The following HADHB variants were observed in gnomAD, a reference collection of about 807,000 sequenced individuals.
HADHB encodes the protein trifunctional enzyme subunit beta, mitochondrial.
A neutral mutation model predicts 61.9 loss-of-function variants in HADHB; 50 were observed. That is an observed-to-expected ratio of 0.81 (90% CI 0.64 to 1.02). The LOEUF (loss-of-function observed/expected upper bound fraction) is 1.02. Ranked by LOEUF, HADHB falls within the 50% of genes least tolerant of loss-of-function variation. The pLI is 0.00. For missense variants in HADHB, 504 were observed against 586.5 expected (o/e 0.86, Z 1.45); for synonymous variants, 191 against 201.6 (o/e 0.95, Z 0.45).
intron 4 of HADHB, among the ~76,000 whole-genome samples, chr2:26,266,813 C>T (rs1208125306): frequency 7.8e-5 from 11 of 141,544 alleles, no homozygotes; most frequent in Admixed American, 3.8e-4. Flanking sequence ...CCAGGAAGCA[C>T]GTTGCACCAC....
chr2:26,262,459 T>C (rs1671904511), intron 3 of HADHB, among the ~76,000 whole-genome samples: 1 of 152,052 alleles, frequency 6.6e-6, no homozygotes, highest in Admixed American at 6.6e-5. Flanking sequence ...TAGAAGAAAA[T>C]AGTGTGGTAG....
chr2:26,290,034 T>C lies in HADHB; in HGVS notation c.*81T>C. On this transcript the variant is annotated 3_prime_UTR_variant, in exon 16 of 16. Coordinates refer to ENST00000317799, the MANE Select transcript of HADHB (RefSeq NM_000183.3). ...CATTTCAATGCATTACTAAATGACATTTGTAGTTCCTAGCTCCTCTTAGGA... is the reference window on the plus strand; with the variant it reads ...CATTTCAATGCATTACTAAATGACACTTGTAGTTCCTAGCTCCTCTTAGGA... 1 of 936,840 alleles carries C rather than the reference T, an allele frequency of 1.1e-6. No individual in the cohort carries two copies. The highest frequency in any genetic ancestry group is 1.8e-6 in the Non-Finnish European group (1 of 563,596). 58.0% of individuals were successfully genotyped at this position (936,840 alleles called of 1,614,324 possible). A position where few individuals can be genotyped will look rare whatever the true frequency, so the allele number is the denominator to read the frequency against.
chr2:26,260,995 C>T (rs1447626987), intron 3 of HADHB: 4 of 1,515,310 alleles, frequency 2.6e-6, no homozygotes, highest in Non-Finnish European at 1.8e-6. Context: ...AGAATCTGAC[C>T]AACACAGTTG....
In HADHB at chr2:26,244,944, G is replaced by T; in HGVS notation, c.-55G>T. 1 of 387,472 alleles carries T rather than the reference G, an allele frequency of 2.6e-6. No homozygotes were observed. The highest frequency in any genetic ancestry group is 2.4e-5 in the South Asian group (1 of 41,292). 24.0% of individuals were successfully genotyped at this position (387,472 alleles called of 1,614,324 possible). A position where few individuals can be genotyped will look rare whatever the true frequency, so the allele number is the denominator to read the frequency against. ...TGGTCCCGCAGAGCCTTGGTACTTG[G>T]ACCTGAACCTTGCTCCGAGAGGGAG... is the stretch of plus-strand genomic sequence containing the variant. On this transcript the variant is annotated 5_prime_UTR_variant, in exon 1 of 16. Coordinates refer to ENST00000317799, the MANE Select transcript of HADHB (RefSeq NM_000183.3).
intron 3 of HADHB, among the ~76,000 whole-genome samples, chr2:26,257,372 G>A (rs1020307274): frequency 1.3e-5 from 2 of 151,734 alleles, no homozygotes; most frequent in South Asian, 2.1e-4. Context: ...TGCCCACCTC[G>A]GCCTCCCAAA....
chr2:26,260,909 C>A, intron 3 of HADHB: 2 of 725,512 alleles, frequency 2.8e-6, no homozygotes, highest in South Asian at 1.6e-5. Flanking sequence ...AGTTTACCAT[C>A]AACCTGTTCT....
intron 10 of HADHB, among the ~76,000 whole-genome samples, chr2:26,281,273 A>G (rs967353479): frequency 5.3e-5 from 8 of 152,182 alleles, no homozygotes; most frequent in Non-Finnish European, 8.8e-5. Context: ...TTCTGGATAT[A>G]GGCCATCTGG....
intron 9 of HADHB, among the ~76,000 whole-genome samples, chr2:26,279,637 A>G (rs989256557): frequency 2.0e-5 from 3 of 152,046 alleles, no homozygotes; most frequent in Admixed American, 6.6e-5. Flanking sequence ...TAAAAAAAAA[A>G]AAAAGAAAAA....
At chr2:26,289,761 T>C (rs1438406303) in intron 15 of HADHB, among the ~76,000 whole-genome samples, 157 bp from the exon 16 acceptor site, 1 of 152,224 alleles carries the variant, frequency 6.6e-6, no homozygotes, top group Non-Finnish European at 1.5e-5. Context: ...AATTCCAGTT[T>C]AGACTGACTA....
chr2:26,254,278 TA>T lies in HADHB; in HGVS notation c.29del (p.Asn10IlefsTer14). 1 of 1,515,008 alleles carries T rather than the reference TA, an allele frequency of 6.6e-7. No homozygotes were observed. The highest frequency in any genetic ancestry group is 9.2e-7 in the Non-Finnish European group (1 of 1,089,972). 93.8% of individuals were successfully genotyped at this position (1,515,008 alleles called of 1,614,324 possible). A position where few individuals can be genotyped will look rare whatever the true frequency, so the allele number is the denominator to read the frequency against. ...GAATGACTATCTTGACTTACCCCTT[TA>T]AAAATCTTCCCACTGCATCAAAATG... MTILTYPF[K>X]NLPTASKWAL... On this transcript the variant is annotated frameshift_variant, in exon 2 of 16. Coordinates refer to ENST00000317799, the MANE Select transcript of HADHB (RefSeq NM_000183.3). LOFTEE classifies it high-confidence loss of function.
intron 1 of HADHB, among the ~76,000 whole-genome samples, chr2:26,249,794 C>G (rs1210938218): frequency 1.3e-5 from 2 of 151,894 alleles, no homozygotes; most frequent in African/African-American, 4.8e-5. Flanking sequence ...CAAATCAATA[C>G]CAGTGGTCAA....
chr2:26,273,546 A>G lies in HADHB; in HGVS notation c.255-105A>G. On this transcript the variant is annotated intron_variant, in intron 5 of 15. Transcript: ENST00000317799. ...GAAAAGATACAGTCTCTGTCCTTTT[A>G]AATTCAAGGCTAACCTTTTTCAAGG... 4 of 735,304 alleles carry G rather than the reference A, an allele frequency of 5.4e-6. No individual in the cohort carries two copies. The Admixed American group carries it at 5.9e-5, about 11-fold the overall frequency. 45.5% of individuals were successfully genotyped at this position (735,304 alleles called of 1,614,324 possible). A position where few individuals can be genotyped will look rare whatever the true frequency, so the allele number is the denominator to read the frequency against.
At chr2:26,255,934 A>G (rs1671591249) in intron 3 of HADHB, among the ~76,000 whole-genome samples, 3 of 152,202 alleles carry the variant, frequency 2.0e-5, no homozygotes, top group Admixed American at 2.0e-4. Context: ...TGCTTTGCAA[A>G]GTCACACAAA....
intron 7 of HADHB, among the ~76,000 whole-genome samples, chr2:26,278,370 T>C (rs749408112): frequency 1.3e-5 from 2 of 152,388 alleles, no homozygotes; most frequent in Non-Finnish European, 2.9e-5. Flanking sequence ...GTTGGTCCAA[T>C]GGATATTCCT....
At chr2:26,285,742 T>TTTTTTTTG (rs1203901458) in intron 15 of HADHB, among the ~76,000 whole-genome samples, 171 bp downstream of exon 15, 1 of 108,080 alleles carries the variant, frequency 9.3e-6, no homozygotes, top group Admixed American at 8.6e-5. Flanking sequence ...TTTTTGGGTT[T>TTTTTTTTG]TTTTTTTTTT....
chr2:26,261,326 A>G (rs1671857914), intron 3 of HADHB: 2 of 375,372 alleles, frequency 5.3e-6, no homozygotes, highest in Admixed American at 8.3e-5. Flanking sequence ...ATTGCAGAAT[A>G]CATCTCTGCT....
chr2:26,285,319 A>C (rs2303894), intron 14 of HADHB, 88 bp from the exon 15 acceptor site: 13 of 1,119,380 alleles, frequency 1.2e-5, no homozygotes, highest in African/African-American at 4.6e-5. Context: ...ATTTTCCTCT[A>C]TCTCTCTTAC....
chr2:26,257,085 G>A lies in HADHB; in HGVS notation c.109+2611G>A, dbSNP rs1406286524. On this transcript the variant is annotated intron_variant, in intron 3 of 15. Coordinates refer to ENST00000317799, the MANE Select transcript of HADHB (RefSeq NM_000183.3). ...TACCTGATTGCCTTGTTGATCTTGC[G>A]TCACTGGGAAGGCTAAGAGCTCCCC... Among the ~76,000 whole-genome samples, 5 of 150,012 alleles carry A rather than the reference G, an allele frequency of 3.3e-5. 1 individual carries two copies. The South Asian group carries it at 1.1e-3, about 32-fold the overall frequency.
intron 3 of HADHB, chr2:26,260,821 T>C: frequency 3.4e-6 from 2 of 593,148 alleles, no homozygotes; most frequent in Middle Eastern, 4.6e-4. Flanking sequence ...TCCTGGTCTT[T>C]CTGCTTCTAT....
Sources: gnomAD v4.1 joint callset for allele counts (sites outside exome capture counted in the v4.1 genomes callset) on GRCh38, gnomAD v4.1.1 for gene constraint, MANE v1.5 for transcripts, NCBI Gene and HGNC (gene_info 2026-07-23, HGNC 2026-07-21) for gene names.